The following ZNF519 variants were observed in gnomAD, a reference collection of about 807,000 sequenced individuals.
ZNF519 encodes zinc finger protein 519.
In ZNF519, 7 loss-of-function variants were observed where a neutral mutation model predicts 7.4. That is an observed-to-expected ratio of 0.94 (90% CI 0.54 to 1.77). The LOEUF (loss-of-function observed/expected upper bound fraction) is 1.77, where lower values mean the gene tolerates loss of function less well. Among genes scored for constraint, ZNF519 ranks in the 40% most tolerant of loss-of-function variants. The pLI, the probability that ZNF519 is intolerant of heterozygous loss-of-function variation, is 0.00. For synonymous variants in ZNF519, 179 were observed against 203.3 expected (o/e 0.88, Z 1.02); for missense variants, 586 against 623.1 (o/e 0.94, Z 0.63).
chr18:14,091,556 C>T (rs2046114383), intron 2 of ZNF519, among the ~76,000 whole-genome samples: 1 of 152,116 alleles, frequency 6.6e-6, no homozygotes, highest in African/African-American at 2.4e-5. Context: ...ACAGAGACAG[C>T]ATCATCAGAA....
Position 14,105,126 on chromosome 18 carries a change from C to T in ZNF519, c.1414G>A (p.Gly472Ser), listed in dbSNP as rs748258267. Residue 472 changes from glycine (G) to serine (S), a missense_variant, in exon 3 of 3, where the codon GGC becomes AGC. Transcript: ENST00000590202. ...CTCTGATGTTGAGTAAGGTGTGAGCCCCAGATAAAAGCTTTGCCACATTCT... is the reference window on the plus strand; with the variant it reads ...CTCTGATGTTGAGTAAGGTGTGAGCTCCAGATAAAAGCTTTGCCACATTCT... ...CEECGKAFIW[G>S]SHLTQHQRVH... 9.9e-6 allele frequency: 16 copies of T among 1,611,356 alleles called. No homozygotes were observed. The African/African-American group carries it at 2.0e-4, about 20-fold the overall frequency.
chr18:14,128,151 G>A (rs2046310171), intron 1 of ZNF519, among the ~76,000 whole-genome samples: 1 of 152,046 alleles, frequency 6.6e-6, no homozygotes, highest in East Asian at 1.9e-4. Flanking sequence ...AAATTAGCCG[G>A]GTGTGGTGGT....
chr18:14,094,664 T>C (rs1381625046), intron 2 of ZNF519, among the ~76,000 whole-genome samples: 3 of 152,190 alleles, frequency 2.0e-5, no homozygotes, highest in Non-Finnish European at 4.4e-5. Context: ...TAATGTGCCA[T>C]TGGATTTGGT....
chr18:14,130,454 A>T (rs2046323700), intron 1 of ZNF519, among the ~76,000 whole-genome samples: 1 of 152,136 alleles, frequency 6.6e-6, no homozygotes. Context: ...ACAGTTAATT[A>T]AAAAAACCGA....
In ZNF519 at chr18:14,105,612, G is replaced by A; in HGVS notation, c.928C>T (p.His310Tyr). Reference protein sequence around the residue: ...AFNKSSHLAQHQRIHTGEKPF... With the variant: ...AFNKSSHLAQYQRIHTGEKPF... ...TTCTCTCCAGTATGGATTCTCTGATGTTGAGCAAGGTGTGAACTCTTGTTA... is the reference window on the plus strand; with the variant it reads ...TTCTCTCCAGTATGGATTCTCTGATATTGAGCAAGGTGTGAACTCTTGTTA... The change falls in exon 3 of 3, where the codon CAT becomes TAT. Residue 310 changes from histidine to tyrosine, a missense_variant. Coordinates refer to ENST00000590202, the MANE Select transcript of ZNF519 (RefSeq NM_145287.4). The A allele has an allele frequency of 6.2e-7, 1 of 1,613,890 alleles. No homozygotes were observed. Among genetic ancestry groups the A allele is most frequent in the Non-Finnish European group, 8.5e-7 (1 of 1,179,944 alleles).
downstream of ZNF519, among the ~76,000 whole-genome samples, chr18:14,095,081 GT>G (rs2046130285): frequency 6.6e-6 from 1 of 152,128 alleles, no homozygotes; most frequent in Non-Finnish European, 1.5e-5. Flanking sequence ...TTCCCTGAAT[GT>G]TCTTGATGTT....
exon 5 of ZNF519, chr18:14,076,799 T>G (rs922602297): frequency 3.3e-5 from 5 of 152,102 alleles, no homozygotes; most frequent in Non-Finnish European, 4.4e-5. Flanking sequence ...TACAAAAATC[T>G]ACAGAAAAGT....
At chr18:14,081,719 G>A (rs1567937955) in intron 3 of ZNF519, among the ~76,000 whole-genome samples, 1 of 152,126 alleles carries the variant, frequency 6.6e-6, no homozygotes, top group Non-Finnish European at 1.5e-5. Context: ...TACACAAGAA[G>A]ACTGTAACAC....
chr18:14,071,356 A>G (rs1204302496), downstream of ZNF519: 3 of 152,158 alleles, frequency 2.0e-5, no homozygotes, highest in Non-Finnish European at 2.9e-5. Context: ...ATCTACTTCT[A>G]TAGATATACA....
intron 3 of ZNF519, among the ~76,000 whole-genome samples, chr18:14,079,676 C>A (rs1487491041): frequency 9.2e-5 from 14 of 152,174 alleles, no homozygotes; most frequent in Non-Finnish European, 2.1e-4. Context: ...GCCTCTTCAA[C>A]AGATGGTGCT....
At chr18:14,082,379 T>C (rs1211787782) in intron 3 of ZNF519, 3 of 152,144 alleles carry the variant, frequency 2.0e-5, no homozygotes, top group African/African-American at 7.2e-5. Context: ...TCAAGATATA[T>C]AGTTTTAAAA....
rs2046178599 is a variant in ZNF519 at position 14,104,675 on chromosome 18, A to C, written c.*242T>G. On this transcript the variant is annotated 3_prime_UTR_variant, in exon 3 of 3. Transcript: ENST00000590202. ...GTCCCTCTTTTTAAACATACAATTT[A>C]ATTATCTAATTGAGTTTGAATTATT... 1 of 376,240 alleles carries C rather than the reference A, an allele frequency of 2.7e-6. No individual in the cohort carries two copies. The allele number at this position is 376,240 out of a possible 1,614,324, so 23.3% of individuals were successfully genotyped here. A position where few individuals can be genotyped will look rare whatever the true frequency, so the allele number is the denominator to read the frequency against.
intron 2 of ZNF519, among the ~76,000 whole-genome samples, chr18:14,108,027 C>T (rs750433268): frequency 5.3e-5 from 8 of 152,142 alleles, no homozygotes; most frequent in Admixed American, 2.0e-4. Context: ...AAGGATACAA[C>T]GCTGGCAAGC....
chr18:14,072,523 A>G (rs1229779728), downstream of ZNF519: 3 of 152,142 alleles, frequency 2.0e-5, no homozygotes, highest in Non-Finnish European at 4.4e-5. Flanking sequence ...TGTCTAGGGA[A>G]TATTTCAACT....
chr18:14,081,778 T>C (rs1187367291), intron 3 of ZNF519, among the ~76,000 whole-genome samples: 2 of 152,114 alleles, frequency 1.3e-5, no homozygotes, highest in Non-Finnish European at 2.9e-5. Flanking sequence ...ATAAAGTATA[T>C]TAAAAATAAA....
intron 2 of ZNF519, 168 bp from the exon 3 acceptor site, chr18:14,106,577 T>C (rs2046194157): frequency 2.1e-6 from 1 of 474,942 alleles, no homozygotes; most frequent in South Asian, 6.2e-5. Flanking sequence ...CAGTGATCAT[T>C]TCCCCTGCAA....
intron 2 of ZNF519, among the ~76,000 whole-genome samples, chr18:14,110,931 T>C (rs2046217271): frequency 6.6e-6 from 1 of 151,994 alleles, no homozygotes; most frequent in Non-Finnish European, 1.5e-5. Flanking sequence ...AGCTACATAT[T>C]AAGTACAGTG....
chr18:14,092,979 A>C (rs2046120342), intron 2 of ZNF519, among the ~76,000 whole-genome samples: 1 of 152,230 alleles, frequency 6.6e-6, no homozygotes, highest in Non-Finnish European at 1.5e-5. Flanking sequence ...TGTTTTGGAA[A>C]CACCTGACAA....
chr18:14,091,711 C>T (rs779279850), intron 2 of ZNF519, among the ~76,000 whole-genome samples: 39 of 151,890 alleles, frequency 2.6e-4, no homozygotes, highest in South Asian at 4.2e-4. Flanking sequence ...TTAAGTTTTA[C>T]GGAGAAGAAT....
Sources: gnomAD v4.1 joint callset for allele counts (sites outside exome capture counted in the v4.1 genomes callset) on GRCh38, gnomAD v4.1.1 for gene constraint, MANE v1.5 for transcripts, NCBI Gene and HGNC (gene_info 2026-07-23, HGNC 2026-07-21) for gene names.